The following MYH9 variants were observed in gnomAD, a reference collection of about 807,000 sequenced individuals.
MYH9 encodes myosin heavy chain 9.
In MYH9, 29 loss-of-function variants were observed where a neutral mutation model predicts 241.9. The observed-to-expected ratio is 0.12, with a 90% CI of 0.09 to 0.16. The LOEUF is 0.16. MYH9 is among the 10% of genes least tolerant of loss of function. The probability of loss-of-function intolerance (pLI) is 1.00; values close to 1 mark genes in which losing one functional copy is unlikely to be tolerated. For missense variants in MYH9, 1,803 were observed against 2,595.5 expected (o/e 0.69, Z 6.63); for synonymous variants, 1,047 against 1,062.6 (o/e 0.99, Z 0.29).
chr22:36,308,994 G>A (rs1004893333), intron 15 of MYH9: 6 of 446,030 alleles, frequency 1.3e-5, no homozygotes, highest in Admixed American at 1.3e-4. Context: ...GCAACATGGC[G>A]CGGGGCTGGG....
chr22:36,287,763 T>A (rs1484144235), intron 34 of MYH9, among the ~76,000 whole-genome samples: 1 of 152,104 alleles, frequency 6.6e-6, no homozygotes, highest in Non-Finnish European at 1.5e-5. Flanking sequence ...CAAAAAAAAA[T>A]TTGTTAAACT....
rs916746976 is a variant in MYH9, at chr22:36,289,202, C to T, written c.4440G>A (p.Ser1480=). Residue 1480 remains serine, a synonymous_variant, in exon 32 of 41, where the codon TCG becomes TCA. Coordinates refer to ENST00000216181, the MANE Select transcript of MYH9 (RefSeq NM_002473.6). Reference sequence around the variant, plus strand: ...TGGCTTCCTCCAGGGCCCGGGCCAGCGACAGAGCCTTGGTCTCCTTCTCTC... The same window carrying T: ...TGGCTTCCTCCAGGGCCCGGGCCAGTGACAGAGCCTTGGTCTCCTTCTCTC... ...EAREKETKAL[S]LARALEEAME... 34 of 1,613,188 alleles carry T rather than the reference C, an allele frequency of 2.1e-5. No individual in the cohort carries two copies. The highest frequency in any genetic ancestry group is 2.7e-5 in the Non-Finnish European group (32 of 1,180,034).
chr22:36,367,041 G>C (rs1025468863), intron 1 of MYH9, among the ~76,000 whole-genome samples: 2 of 152,178 alleles, frequency 1.3e-5, no homozygotes, highest in Non-Finnish European at 2.9e-5. Flanking sequence ...TGCATACCAC[G>C]TTAGGGGGCT....
At chr22:36,287,524 A>G in intron 34 of MYH9, among the ~76,000 whole-genome samples, 1 of 151,978 alleles carries the variant, frequency 6.6e-6, no homozygotes, top group East Asian at 1.9e-4. Flanking sequence ...CGGGTGGATC[A>G]CAAGGTCAGG....
At chr22:36,299,987 C>A (rs2016848912) in intron 23 of MYH9, 140 bp downstream of exon 23, 9 of 1,222,574 alleles carry the variant, frequency 7.4e-6, no homozygotes, top group Non-Finnish European at 1.1e-5. Context: ...GGAGCACTTG[C>A]AGTTAAGCAG....
rs186045221 is a variant in MYH9, at chr22:36,293,700, G to A, written c.3942+59C>T. The A allele has an allele frequency of 2.4e-5, 36 of 1,476,068 alleles. No homozygotes were observed. In the East Asian group the frequency reaches 4.6e-4, roughly 19 times the overall value. 91.4% of individuals were successfully genotyped at this position (1,476,068 alleles called of 1,614,324 possible). Reference sequence around the variant, plus strand: ...CGATGGGCTCTGAAGCTAATGTTGCGTGGACACAGAGGCCTTTCTGGAGGG... The same window carrying A: ...CGATGGGCTCTGAAGCTAATGTTGCATGGACACAGAGGCCTTTCTGGAGGG... On this transcript the variant is annotated intron_variant, in intron 29 of 40. Transcript: ENST00000216181. This position sits in a 1 kb window ranked among gnomAD's most constrained non-coding sequence, Gnocchi z 5.1.
chr22:36,340,323 G>C (rs2017565296), intron 3 of MYH9, among the ~76,000 whole-genome samples: 1 of 151,958 alleles, frequency 6.6e-6, no homozygotes, highest in Admixed American at 6.5e-5. Flanking sequence ...TTACATCCCA[G>C]AAAGATGACC....
chr22:36,360,316 A>AGAGG (rs1250230625), intron 1 of MYH9, among the ~76,000 whole-genome samples: 2 of 152,172 alleles, frequency 1.3e-5, no homozygotes, highest in African/African-American at 4.8e-5. Flanking sequence ...TGCAGAGGGA[A>AGAGG]GAGGGTTTCG....
Position 36,293,366 on chromosome 22 carries a change from T to C in MYH9, c.4058A>G (p.His1353Arg). The C allele has an allele frequency of 1.2e-6, 2 of 1,614,062 alleles. No homozygotes were observed. The highest frequency in any genetic ancestry group is 1.7e-6 in the Non-Finnish European group (2 of 1,180,024). ...GGTGGCGATCTGCTTCTCCAGGTTG[T>C]GCTTGGCCTCCTCCTCCTCCTCCAG... ...EQLEEEEEAK[H>R]NLEKQIATLH... The change falls in exon 30 of 41, where the codon CAC (histidine) becomes CGC (arginine). Residue 1353 changes from histidine (H) to arginine (R), a missense_variant. Around this residue, in one of 11 missense-constraint regions of MYH9, gnomAD observed 876 missense variants for 1,077.8 expected, o/e 0.81. Coordinates refer to ENST00000216181, the MANE Select transcript of MYH9 (RefSeq NM_002473.6). The surrounding 1 kb of genome is among the most constrained non-coding windows in gnomAD (Gnocchi z 5.1).
intron 40 of MYH9, among the ~76,000 whole-genome samples, chr22:36,283,603 G>A (rs1603482680): frequency 2.0e-5 from 3 of 149,188 alleles, no homozygotes; most frequent in East Asian, 4.2e-4. Context: ...TGTAAGAAAT[G>A]AGTATCTCAA....
chr22:36,284,990 T>C (rs950665732), intron 38 of MYH9, 131 bp downstream of exon 38: 7 of 844,990 alleles, frequency 8.3e-6, no homozygotes, highest in South Asian at 3.2e-5. Flanking sequence ...GAGGGCCCCA[T>C]CAGGAGGGAG....
intron 25 of MYH9, among the ~76,000 whole-genome samples, chr22:36,296,540 C>CT (rs67917055): frequency 1.9e-3 from 193 of 100,840 alleles, no homozygotes; most frequent in Non-Finnish European, 2.6e-3. Context: ...CTGGTCAAGT[C>CT]TTTTTTTTTT....
chr22:36,332,075 T>C (rs1019009685), intron 3 of MYH9, among the ~76,000 whole-genome samples: 1 of 152,166 alleles, frequency 6.6e-6, no homozygotes, highest in African/African-American at 2.4e-5. Context: ...CAAATGGGGC[T>C]GAGAACTCAG....
At chr22:36,327,681 C>T (rs2017357872) in intron 3 of MYH9, among the ~76,000 whole-genome samples, 193 bp from the exon 4 acceptor site, 1 of 152,160 alleles carries the variant, frequency 6.6e-6, no homozygotes, top group Non-Finnish European at 1.5e-5. Context: ...GGCAGCTGCT[C>T]CTGCCGCCCA....
chr22:36,319,972 A>C (rs1226001250), intron 9 of MYH9: 6 of 616,608 alleles, frequency 9.7e-6, no homozygotes, highest in Non-Finnish European at 1.7e-5. Flanking sequence ...AGGGCTGTGC[A>C]GTGGACCCGA....
intron 3 of MYH9, among the ~76,000 whole-genome samples, chr22:36,340,685 A>C (rs2017572471): frequency 6.6e-6 from 1 of 151,442 alleles, no homozygotes. Context: ...AAAGAAAGAA[A>C]GGAAGTGGTA....
In MYH9 at chr22:36,330,718, C is replaced by T. The variant is rs1439281099; in HGVS notation, c.491-3230G>A. On this transcript the variant is annotated intron_variant, in intron 3 of 40. Transcript: ENST00000216181. The surrounding 1 kb of genome is among the most constrained non-coding windows in gnomAD (Gnocchi z 4.5). ...TGTCATCTCACAGGATGAGCACATT[C>T]AGAGTCCGGCCCAATCTGCTTGTTT... Among the ~76,000 whole-genome samples, 1 of 152,086 alleles carries T rather than the reference C, an allele frequency of 6.6e-6. No individual in the cohort carries two copies. The highest frequency in any genetic ancestry group is 2.4e-5 in the African/African-American group (1 of 41,396).
At chr22:36,326,316 C>A (rs2017334624) in intron 5 of MYH9, among the ~76,000 whole-genome samples, 1 of 152,240 alleles carries the variant, frequency 6.6e-6, no homozygotes, top group Non-Finnish European at 1.5e-5. Context: ...GGCTGCCATG[C>A]AAACTCCAGG....
chr22:36,319,980 C>G, intron 9 of MYH9: 1 of 626,132 alleles, frequency 1.6e-6, no homozygotes, highest in East Asian at 2.8e-5. Flanking sequence ...GCAGTGGACC[C>G]GAGTCCTGGG....
Sources: allele counts gnomAD v4.1 joint callset (sites outside exome capture counted in the v4.1 genomes callset), GRCh38; gene constraint gnomAD v4.1.1; regional missense constraint gnomAD v4.1.1; non-coding constraint Gnocchi (gnomAD v3.1); transcripts MANE v1.5; gene names NCBI Gene and HGNC (gene_info 2026-07-23, HGNC 2026-07-21).